The following PTPRO variants were observed in gnomAD, a reference collection of about 807,000 sequenced individuals.
The protein encoded by PTPRO is receptor-type tyrosine-protein phosphatase O.
PTPRO carries 62 observed loss-of-function variants against 145.2 expected under a neutral mutation model. The observed-to-expected ratio is 0.43, with a 90% CI of 0.35 to 0.53. PTPRO has a LOEUF of 0.53. Ranked by LOEUF, PTPRO falls within the 20% of genes least tolerant of loss-of-function variation. The pLI is 0.01. For missense variants in PTPRO, 1,345 were observed against 1,482.7 expected (o/e 0.91, Z 1.53); for synonymous variants, 565 against 514.7 (o/e 1.10, Z -1.32).
chr12:15,569,837 C>T (rs990935099), intron 19 of PTPRO, among the ~76,000 whole-genome samples: 11 of 152,172 alleles, frequency 7.2e-5, no homozygotes, highest in African/African-American at 2.7e-4. Flanking sequence ...CAGAATTTCC[C>T]TTTCAGGGGA....
intron 7 of PTPRO, among the ~76,000 whole-genome samples, chr12:15,515,180 C>G (rs1030094670): frequency 5.9e-5 from 9 of 152,162 alleles, no homozygotes; most frequent in Non-Finnish European, 1.3e-4. Context: ...GAATGTCAAA[C>G]TATCCTCATG....
rs199546007 is a variant in PTPRO at position 15,524,640 on chromosome 12, C to CACTTGTTGT, written c.1892-173_1892-172insCTTGTTGTA. 4.8e-3 allele frequency among the ~76,000 whole-genome samples: 737 copies of CACTTGTTGT among 152,206 alleles called. 6 individuals are homozygous for CACTTGTTGT. Among genetic ancestry groups the CACTTGTTGT allele is most frequent in the African/African-American group, 0.017 (707 of 41,540 alleles). ...TGTGGGATCCCATTAAACAAGTGCCCATCCTGTATCACCATCCTTCACTGT... is the reference window on the plus strand; with the variant it reads ...TGTGGGATCCCATTAAACAAGTGCCCACTTGTTGTATCCTGTATCACCATCCTTCACTGT... On this transcript the variant is annotated intron_variant, in intron 10 of 26. Coordinates refer to ENST00000281171, the MANE Select transcript of PTPRO (RefSeq NM_030667.3).
At chr12:15,529,040 C>T (rs1942903555) in intron 12 of PTPRO, among the ~76,000 whole-genome samples, 1 of 152,174 alleles carries the variant, frequency 6.6e-6, no homozygotes, top group Admixed American at 6.5e-5. Context: ...GAAAAAGACA[C>T]ATGCGAAAAG....
At chr12:15,536,160 A>G (rs571840971) in intron 12 of PTPRO, among the ~76,000 whole-genome samples, 2 of 152,342 alleles carry the variant, frequency 1.3e-5, no homozygotes, top group Admixed American at 6.5e-5. Flanking sequence ...ACTGACAAAA[A>G]TGTCAACCCT....
intron 1 of PTPRO, among the ~76,000 whole-genome samples, chr12:15,451,980 G>T (rs1941057931): frequency 6.6e-6 from 1 of 151,630 alleles, no homozygotes; most frequent in Non-Finnish European, 1.5e-5. Flanking sequence ...GCAGAAGAAA[G>T]GAAATAACTA....
chr12:15,594,059 G>A (rs1389479456), intron 25 of PTPRO, among the ~76,000 whole-genome samples: 2 of 152,074 alleles, frequency 1.3e-5, no homozygotes, highest in African/African-American at 4.8e-5. Context: ...ATATGTTACT[G>A]ATTTGAATGA....
At chr12:15,583,009 A>C (rs1944353570) in intron 23 of PTPRO, among the ~76,000 whole-genome samples, 1 of 152,206 alleles carries the variant, frequency 6.6e-6, no homozygotes, top group Non-Finnish European at 1.5e-5. Flanking sequence ...CCACTTGAAC[A>C]TGCTGTCTAT....
chr12:15,454,090 A>G lies in PTPRO; in HGVS notation c.76-29884A>G, dbSNP rs900167120. On this transcript the variant is annotated intron_variant, in intron 1 of 26. Coordinates refer to ENST00000281171, the MANE Select transcript of PTPRO (RefSeq NM_030667.3). ...CTGATTTCAATAATTTTGGATAAAT[A>G]CCTAGAAATAAGATTGCTGGATCAC... Among the ~76,000 whole-genome samples the G allele has an allele frequency of 2.6e-5, 4 of 152,344 alleles. No individual in the cohort carries two copies. In the East Asian group the frequency reaches 7.7e-4, roughly 29 times the overall value.
intron 1 of PTPRO, among the ~76,000 whole-genome samples, chr12:15,465,019 C>G (rs983977768): frequency 6.6e-6 from 1 of 152,084 alleles, no homozygotes; most frequent in Non-Finnish European, 1.5e-5. Flanking sequence ...TGATGACATG[C>G]CAATTAACAA....
chr12:15,453,132 A>G (rs1941088689), intron 1 of PTPRO, among the ~76,000 whole-genome samples: 1 of 151,816 alleles, frequency 6.6e-6, no homozygotes, highest in Non-Finnish European at 1.5e-5. Flanking sequence ...ATCTAGATCC[A>G]GATTTAGAAA....
intron 2 of PTPRO, among the ~76,000 whole-genome samples, 173 bp from the exon 3 acceptor site, chr12:15,497,072 T>G (rs936496119): frequency 3.3e-5 from 5 of 152,252 alleles, no homozygotes; most frequent in Non-Finnish European, 7.3e-5. Context: ...TGTACTTTAT[T>G]AATTACTGCT....
At chr12:15,566,462 A>G (rs1943901317) in intron 18 of PTPRO, among the ~76,000 whole-genome samples, 3 of 152,176 alleles carry the variant, frequency 2.0e-5, no homozygotes, top group Admixed American at 1.3e-4. Flanking sequence ...TATGGCATAT[A>G]TGAAAACAGA....
intron 1 of PTPRO, among the ~76,000 whole-genome samples, chr12:15,384,196 A>T (rs762503222): frequency 6.6e-6 from 1 of 152,116 alleles, no homozygotes; most frequent in African/African-American, 2.4e-5. Context: ...AGGTCCATTC[A>T]GTTGGTTGGG....
chr12:15,596,358 GA>G lies in PTPRO; in HGVS notation c.*287del, dbSNP rs1217334532. The G allele has an allele frequency of 6.6e-6, 1 of 152,626 alleles. No homozygotes were observed. The highest frequency in any genetic ancestry group is 1.5e-5 in the Non-Finnish European group (1 of 68,032). 9.5% of individuals were successfully genotyped at this position (152,626 alleles called of 1,614,324 possible). ...AAAGGGCAGGAAGTACAGCACTTCC[GA>G]AGAGTTTAGTTGGCCCTTTGCTGGT... On this transcript the variant is annotated 3_prime_UTR_variant, in exon 27 of 27. Coordinates refer to ENST00000281171, the MANE Select transcript of PTPRO (RefSeq NM_030667.3).
chr12:15,533,297 A>G (rs981319367), intron 12 of PTPRO, among the ~76,000 whole-genome samples: 3 of 152,176 alleles, frequency 2.0e-5, no homozygotes, highest in Non-Finnish European at 4.4e-5. Context: ...TCTTATTGGT[A>G]TCTTAAATAT....
At chr12:15,584,917 A>G (rs1216233953) in intron 23 of PTPRO, among the ~76,000 whole-genome samples, 1 of 152,182 alleles carries the variant, frequency 6.6e-6, no homozygotes, top group Non-Finnish European at 1.5e-5. Context: ...AGAAATGACC[A>G]TAACACACAA....
chr12:15,435,867 G>A (rs1434958520), intron 1 of PTPRO, among the ~76,000 whole-genome samples: 1 of 152,156 alleles, frequency 6.6e-6, no homozygotes, highest in Non-Finnish European at 1.5e-5. Flanking sequence ...CTTTGGCTCA[G>A]GCTATTATTT....
chr12:15,502,691 A>G (rs1942246550), intron 5 of PTPRO, among the ~76,000 whole-genome samples: 1 of 152,154 alleles, frequency 6.6e-6, no homozygotes, highest in South Asian at 2.1e-4. Flanking sequence ...TTCATTCTTT[A>G]TATTTTAGCC....
chr12:15,551,110 G>T (rs1019368874), intron 14 of PTPRO, among the ~76,000 whole-genome samples: 1 of 152,170 alleles, frequency 6.6e-6, no homozygotes, highest in African/African-American at 2.4e-5. Flanking sequence ...ATTATTAGTT[G>T]TAAGCAAAGT....
Sources: allele counts gnomAD v4.1 joint callset (sites outside exome capture counted in the v4.1 genomes callset), GRCh38; gene constraint gnomAD v4.1.1; transcripts MANE v1.5; gene names NCBI Gene and HGNC (gene_info 2026-07-23, HGNC 2026-07-21).